Variants in GALNT2 observed in about 807,000 individuals in gnomAD.
The protein encoded by GALNT2 is UDP-GalNAc:polypeptide N-acetylgalactosaminyltransferase 2.
Under a neutral mutation model 81.4 loss-of-function variants are expected in GALNT2, and 31 were observed. The observed-to-expected ratio is 0.38, with a 90% CI of 0.29 to 0.51. GALNT2 has a LOEUF of 0.51. GALNT2 is among the 20% of genes least tolerant of loss of function. The pLI, the probability that GALNT2 is intolerant of heterozygous loss-of-function variation, is 0.87. For synonymous variants in GALNT2, 303 were observed against 287.4 expected, an observed-to-expected ratio of 1.05 and a Z score of -0.55; for missense variants, 629 against 765.7, an observed-to-expected ratio of 0.82 and a Z score of 2.11.
intron 3 of GALNT2, among the ~76,000 whole-genome samples, chr1:230,218,143 G>A (rs1664443593): frequency 6.6e-6 from 1 of 152,228 alleles, no homozygotes; most frequent in East Asian, 1.9e-4. Flanking sequence ...TAAGAACAGG[G>A]GACTAACAAT....
intron 1 of GALNT2, among the ~76,000 whole-genome samples, chr1:230,125,630 T>C (rs1661150229): frequency 6.6e-6 from 1 of 152,106 alleles, no homozygotes; most frequent in East Asian, 1.9e-4. Context: ...GGTCATAGAT[T>C]TTGGTGGGTA....
At chr1:230,078,118 C>CA (rs1659618560) in intron 1 of GALNT2, among the ~76,000 whole-genome samples, 1 of 152,250 alleles carries the variant, frequency 6.6e-6, no homozygotes, top group Admixed American at 6.5e-5. Context: ...TGACCAATTA[C>CA]AGCCTTTCTT....
At chr1:230,065,389 G>C (rs2102736062), upstream of GALNT2, among the ~76,000 whole-genome samples, 1 of 151,972 alleles carries the variant, frequency 6.6e-6, no homozygotes, top group South Asian at 2.1e-4. Flanking sequence ...TTTTTGTCTA[G>C]TCTGTCTTCA....
At chr1:230,152,813 G>A (rs1040656242) in intron 1 of GALNT2, among the ~76,000 whole-genome samples, 5 of 152,170 alleles carry the variant, frequency 3.3e-5, no homozygotes, top group Admixed American at 6.5e-5. Context: ...GACCATCTGC[G>A]CCAGCCCTGT....
upstream of GALNT2, chr1:230,067,213 C>T (rs1232084930): frequency 1.9e-6 from 2 of 1,052,504 alleles, no homozygotes; most frequent in African/African-American, 1.7e-5. Context: ...CGGCCCCCAC[C>T]GCGCCCGCGG....
chr1:230,255,496 A>T, intron 11 of GALNT2, 152 bp downstream of exon 11: 1 of 1,016,384 alleles, frequency 9.8e-7, no homozygotes, highest in Non-Finnish European at 1.4e-6. Flanking sequence ...GGCGCATTCC[A>T]CGGATGCAGG....
At chr1:230,278,582 C>A (rs773403835) in intron 15 of GALNT2, among the ~76,000 whole-genome samples, 1 of 152,016 alleles carries the variant, frequency 6.6e-6, no homozygotes, top group African/African-American at 2.4e-5. Context: ...GGCATCGTAC[C>A]CTGTACTTTA....
At chr1:230,176,699 G>GT (rs1662990995) in intron 1 of GALNT2, among the ~76,000 whole-genome samples, 1 of 152,222 alleles carries the variant, frequency 6.6e-6, no homozygotes, top group East Asian at 1.9e-4. Flanking sequence ...ATCAGTGCCA[G>GT]TAGTAAATTG....
At chr1:230,272,552 G>A (rs112197463) in intron 14 of GALNT2, among the ~76,000 whole-genome samples, 9 of 152,190 alleles carry the variant, frequency 5.9e-5, no homozygotes, top group South Asian at 4.2e-4. Context: ...TGGAAGACCC[G>A]GGAAGTGAGC....
chr1:230,265,436 T>G, intron 14 of GALNT2, 69 bp downstream of exon 14: 1 of 1,600,486 alleles, frequency 6.2e-7, no homozygotes, highest in Non-Finnish European at 8.5e-7. Flanking sequence ...GTCCTGATGT[T>G]AGAAGTCCCA....
chr1:230,251,858 G>A (rs1027086851), intron 10 of GALNT2, among the ~76,000 whole-genome samples: 3 of 152,180 alleles, frequency 2.0e-5, no homozygotes, highest in African/African-American at 7.2e-5. Flanking sequence ...TAGGAAGAGT[G>A]TTGATTTACA....
intron 3 of GALNT2, among the ~76,000 whole-genome samples, chr1:230,213,844 C>T (rs772404440): frequency 2.0e-5 from 3 of 152,190 alleles, no homozygotes; most frequent in Non-Finnish European, 2.9e-5. Context: ...TAATAATTTA[C>T]CTTCCACTTA....
In GALNT2 at chr1:230,243,214, G is replaced by A; in HGVS notation, c.608-92G>A. Reference sequence around the variant, plus strand: ...CCGTGCCCAGAAAGCAGGCTGCAGAGCTGCGGGCAGGGAGGCGTCGCCGGT... The same window carrying A: ...CCGTGCCCAGAAAGCAGGCTGCAGAACTGCGGGCAGGGAGGCGTCGCCGGT... On this transcript the variant is annotated intron_variant, in intron 6 of 15. Transcript: ENST00000366672. This position sits in a 1 kb window ranked among gnomAD's most constrained non-coding sequence, Gnocchi z 4.2. The A allele has an allele frequency of 6.8e-7, 1 of 1,470,492 alleles. No individual in the cohort carries two copies. Among genetic ancestry groups the A allele is most frequent in the South Asian group, 1.4e-5 (1 of 70,990 alleles). 91.1% of individuals were successfully genotyped at this position (1,470,492 alleles called of 1,614,324 possible).
chr1:230,272,658 T>A (rs1181385438), intron 14 of GALNT2, among the ~76,000 whole-genome samples: 1 of 152,186 alleles, frequency 6.6e-6, no homozygotes, highest in African/African-American at 2.4e-5. Flanking sequence ...TCCGTGCCTC[T>A]GCATCCCCTC....
At chr1:230,181,558 C>CTTT (rs1245134286) in intron 2 of GALNT2, among the ~76,000 whole-genome samples, 1 of 143,176 alleles carries the variant, frequency 7.0e-6, no homozygotes, top group Non-Finnish European at 1.5e-5. Flanking sequence ...CTTTCGTTTC[C>CTTT]TTTTTTTTTT....
intron 1 of GALNT2, among the ~76,000 whole-genome samples, chr1:230,102,391 A>G (rs917739782): frequency 6.6e-6 from 1 of 152,288 alleles, no homozygotes; most frequent in East Asian, 1.9e-4. Context: ...GGCAGCATCA[A>G]AATAAACGTG....
chr1:230,194,461 T>C (rs951032086), intron 2 of GALNT2, among the ~76,000 whole-genome samples: 2 of 152,212 alleles, frequency 1.3e-5, no homozygotes, highest in African/African-American at 4.8e-5. Context: ...GTCCTGGCCC[T>C]TCTCTCCCAG....
At chr1:230,090,245 C>T (rs1198164930) in intron 1 of GALNT2, among the ~76,000 whole-genome samples, 1 of 152,216 alleles carries the variant, frequency 6.6e-6, no homozygotes, top group Non-Finnish European at 1.5e-5. Context: ...TATGTCCCAA[C>T]TGATTGGAAA....
intron 1 of GALNT2, among the ~76,000 whole-genome samples, chr1:230,160,211 A>T (rs1339802749): frequency 6.6e-6 from 1 of 152,202 alleles, no homozygotes; most frequent in East Asian, 1.9e-4. Flanking sequence ...TAGTGCTAAT[A>T]ACAATCCCTG....
Sources: allele counts gnomAD v4.1 joint callset (sites outside exome capture counted in the v4.1 genomes callset), GRCh38; gene constraint gnomAD v4.1.1; non-coding constraint Gnocchi (gnomAD v3.1); transcripts MANE v1.5; gene names NCBI Gene and HGNC (gene_info 2026-07-23, HGNC 2026-07-21).